The following COL27A1 variants were observed in gnomAD, a reference collection of about 807,000 sequenced individuals.
The protein encoded by COL27A1 is collagen type XXVII alpha 1 chain.
COL27A1 carries 106 observed loss-of-function variants against 251.3 expected under a neutral mutation model. The ratio of observed to expected loss-of-function variants is 0.42; its 90% confidence interval spans 0.36 to 0.50. The LOEUF (loss-of-function observed/expected upper bound fraction) is 0.50. COL27A1 is among the 20% of genes least tolerant of loss of function. COL27A1 has a pLI of 0.00. For missense variants in COL27A1, 2,325 were observed against 2,522.8 expected (o/e 0.92, Z 1.68); for synonymous variants, 1,000 against 986.3 (o/e 1.01, Z -0.26).
chr9:114,288,547 C>T (rs370613921), intron 42 of COL27A1, 36 bp downstream of exon 42: 22 of 1,582,212 alleles, frequency 1.4e-5, no homozygotes, highest in Non-Finnish European at 1.8e-5. Flanking sequence ...ATGTGGCGTC[C>T]TAGGTGGAAT....
rs985878105 is a variant in COL27A1, at chr9:114,310,702, A to G, written c.*7A>G. On this transcript the variant is annotated 3_prime_UTR_variant, in exon 61 of 61. Transcript: ENST00000356083. Reference sequence around the variant, plus strand: ...ACCTGCGTGCTTCCTCTGACCTCTGACCTCGTGGCCACTCTAGGCCTCACG... The same window carrying G: ...ACCTGCGTGCTTCCTCTGACCTCTGGCCTCGTGGCCACTCTAGGCCTCACG... The G allele has an allele frequency of 2.5e-6, 4 of 1,613,780 alleles. No homozygotes were observed. Among genetic ancestry groups the G allele is most frequent in the Admixed American group, 3.3e-5 (2 of 59,998 alleles).
chr9:114,226,532 T>G (rs1017851673), intron 14 of COL27A1, among the ~76,000 whole-genome samples: 3 of 152,192 alleles, frequency 2.0e-5, no homozygotes, highest in Non-Finnish European at 4.4e-5. Flanking sequence ...TCCTCAAGAC[T>G]TCTGTGCTGA....
intron 49 of COL27A1, among the ~76,000 whole-genome samples, chr9:114,294,030 A>C (rs1828093807): frequency 6.6e-6 from 1 of 151,684 alleles, no homozygotes; most frequent in African/African-American, 2.4e-5. Flanking sequence ...CGAGGTCAAG[A>C]GTTTGAGACC....
intron 7 of COL27A1, among the ~76,000 whole-genome samples, chr9:114,203,252 A>G (rs1174051421): frequency 6.6e-6 from 1 of 152,192 alleles, no homozygotes; most frequent in Non-Finnish European, 1.5e-5. Context: ...AAACTCGGTA[A>G]ATGTTTATCG....
At chr9:114,207,299 G>A (rs749933891) in intron 10 of COL27A1, among the ~76,000 whole-genome samples, 3 of 152,164 alleles carry the variant, frequency 2.0e-5, no homozygotes, top group Non-Finnish European at 2.9e-5. Context: ...GTGGGGAGGC[G>A]GGAGTGGGGG....
intron 18 of COL27A1, 34 bp downstream of exon 18, chr9:114,237,068 C>A (rs1185511750): frequency 6.4e-7 from 1 of 1,569,452 alleles, no homozygotes; most frequent in Admixed American, 1.8e-5. Context: ...CCCCAAACCT[C>A]ACACTCTCCA....
chr9:114,168,693 G>A lies in COL27A1; in HGVS notation c.1138G>A (p.Val380Met), dbSNP rs74555892. The change falls in exon 3 of 61, where the codon GTG (valine) becomes ATG (methionine). Residue 380 changes from valine (V) to methionine (M), a missense_variant. Physicochemically the swap from Val to Met is conservative, Grantham distance 21. Transcript: ENST00000356083. ...GCCTTCGGCCCCTTCTACTTCAATTGTGCCCATCAAAAGCCCCCATCCTAC... is the reference window on the plus strand; with the variant it reads ...GCCTTCGGCCCCTTCTACTTCAATTATGCCCATCAAAAGCCCCCATCCTAC... ...TKPSAPSTSI[V>M]PIKSPHPTQK... 1 of 1,613,982 alleles carries A rather than the reference G, an allele frequency of 6.2e-7. No homozygotes were observed. The highest frequency in any genetic ancestry group is 1.1e-5 in the South Asian group (1 of 91,072).
At chr9:114,278,569 ATGG>A (rs1435256576) in intron 37 of COL27A1, among the ~76,000 whole-genome samples, 7 of 119,098 alleles carry the variant, frequency 5.9e-5, no homozygotes, top group African/African-American at 2.4e-4. Flanking sequence ...GGGAGTGATG[ATGG>A]TGGTCATGGC....
In COL27A1 at chr9:114,194,579, A is replaced by T. The variant is rs548731016; in HGVS notation, c.2070+122A>T. 2.4e-4 allele frequency: 207 copies of T among 866,454 alleles called. 2 individuals are homozygous for T. Among genetic ancestry groups the T allele is most frequent in the Middle Eastern group, 1.4e-3 (4 of 2,864 alleles). 53.7% of individuals were successfully genotyped at this position (866,454 alleles called of 1,614,324 possible). A position where few individuals can be genotyped will look rare whatever the true frequency, so the allele number is the denominator to read the frequency against. ...ATGGCAAAGGCAGGGAGGTGGGAAC[A>T]TCTGGAAGGGTTAGGGTATGGTTTG... On this transcript the variant is annotated intron_variant, in intron 6 of 60. Coordinates refer to ENST00000356083, the MANE Select transcript of COL27A1 (RefSeq NM_032888.4).
chr9:114,197,944 C>T lies in COL27A1; in HGVS notation c.2124+1932C>T, dbSNP rs530314216. ...CAGTGGTGGGGATCAGAGAAGAGAA[C>T]CACTGCCATGGGCAATGTGCCTGGG... On this transcript the variant is annotated intron_variant, in intron 7 of 60. Transcript: ENST00000356083. 5.9e-5 allele frequency among the ~76,000 whole-genome samples: 9 copies of T among 152,312 alleles called. No individual in the cohort carries two copies. The South Asian group carries it at 1.7e-3, about 28-fold the overall frequency.
At chr9:114,166,780 C>T (rs1326655851) in intron 2 of COL27A1, among the ~76,000 whole-genome samples, 2 of 152,232 alleles carry the variant, frequency 1.3e-5, no homozygotes, top group African/African-American at 4.8e-5. Flanking sequence ...TGGAAGCCCT[C>T]CTTTTCTTTT....
At chr9:114,176,665 A>G (rs1249943663) in intron 3 of COL27A1, among the ~76,000 whole-genome samples, 1 of 152,062 alleles carries the variant, frequency 6.6e-6, no homozygotes, top group Non-Finnish European at 1.5e-5. Context: ...AAAACCAGAC[A>G]ACCCCTCTAC....
chr9:114,271,934 C>T, intron 36 of COL27A1: 1 of 152,346 alleles, frequency 6.6e-6, no homozygotes, highest in Non-Finnish European at 1.5e-5. Flanking sequence ...CATTTTCTTG[C>T]AAGAGCGAGA....
At chr9:114,263,002 G>A (rs574735092) in intron 28 of COL27A1, among the ~76,000 whole-genome samples, 7 of 149,310 alleles carry the variant, frequency 4.7e-5, no homozygotes, top group Non-Finnish European at 1.0e-4. Flanking sequence ...GCAGTGGTGC[G>A]ATCTCCGCTC....
chr9:114,246,105 G>C (rs1234708551), intron 24 of COL27A1, 195 bp downstream of exon 24: 8 of 533,582 alleles, frequency 1.5e-5, no homozygotes, highest in Non-Finnish European at 2.3e-5. Context: ...AAATGAGAAA[G>C]CTGTGGATCA....
chr9:114,211,995 G>A (rs1830400195), intron 12 of COL27A1, among the ~76,000 whole-genome samples: 2 of 152,228 alleles, frequency 1.3e-5, no homozygotes, highest in South Asian at 2.1e-4. Context: ...GCATTCGAGA[G>A]TGCTCAGAGG....
chr9:114,228,062 G>T (rs58635948), intron 14 of COL27A1, among the ~76,000 whole-genome samples: 1 of 152,116 alleles, frequency 6.6e-6, no homozygotes, highest in African/African-American at 2.4e-5. Context: ...TCTCCCCTGG[G>T]GTTGCCCATG....
intron 1 of COL27A1, among the ~76,000 whole-genome samples, chr9:114,162,421 G>C (rs879904106): frequency 2.6e-5 from 4 of 152,220 alleles, no homozygotes; most frequent in Non-Finnish European, 4.4e-5. Flanking sequence ...CAATGACCAG[G>C]GCAGGGCTTT....
intron 37 of COL27A1, among the ~76,000 whole-genome samples, chr9:114,279,117 G>T (rs1420266046): frequency 6.6e-6 from 1 of 152,134 alleles, no homozygotes; most frequent in Admixed American, 6.5e-5. Context: ...AGCCATTGCC[G>T]CCACCTCAGT....
Sources: allele counts gnomAD v4.1 joint callset (sites outside exome capture counted in the v4.1 genomes callset), GRCh38; gene constraint gnomAD v4.1.1; transcripts MANE v1.5; gene names NCBI Gene and HGNC (gene_info 2026-07-23, HGNC 2026-07-21).